The following SYT2 variants were observed in gnomAD, a reference collection of about 807,000 sequenced individuals.
SYT2 encodes the protein synaptotagmin-2.
SYT2 carries 15 observed loss-of-function variants against 39.9 expected under a neutral mutation model. The ratio of observed to expected loss-of-function variants is 0.38; its 90% CI spans 0.25 to 0.58. The LOEUF is 0.58. Among genes scored for constraint, SYT2 ranks in the 20% least tolerant of loss-of-function variants. The pLI, the probability that SYT2 is intolerant of heterozygous loss-of-function variation, is 0.70. For missense variants in SYT2, 389 were observed against 530.3 expected (o/e 0.73, Z 2.62); for synonymous variants, 181 against 204.5 (o/e 0.89, Z 0.98).
Position 202,604,434 on chromosome 1 carries a change from CT to C in SYT2, c.345+20del. The C allele has an allele frequency of 2.5e-6, 4 of 1,612,128 alleles. No homozygotes were observed. The highest frequency in any genetic ancestry group is 3.4e-6 in the Non-Finnish European group (4 of 1,178,370). ...CTGGGCTGAGCCCCTTCCAGTCCCC[CT>C]CACAACCAATGTGCCCTACCTGACC... On this transcript the variant is annotated intron_variant, in intron 3 of 8. Transcript: ENST00000367268.
At chr1:202,696,308 G>T (rs564226874) in intron 1 of SYT2, among the ~76,000 whole-genome samples, 1 of 152,132 alleles carries the variant, frequency 6.6e-6, no homozygotes, top group African/African-American at 2.4e-5. Context: ...CAGTGCCAGA[G>T]AGTGGATCTG....
chr1:202,673,518 A>G (rs1558457191), intron 1 of SYT2, among the ~76,000 whole-genome samples: 1 of 152,230 alleles, frequency 6.6e-6, no homozygotes, highest in Non-Finnish European at 1.5e-5. Flanking sequence ...AATGGATCCA[A>G]TGAGATGGAT....
intron 1 of SYT2, among the ~76,000 whole-genome samples, chr1:202,704,217 T>A (rs1186373620): frequency 6.6e-6 from 1 of 152,196 alleles, no homozygotes; most frequent in African/African-American, 2.4e-5. Context: ...GGGAGCCCTG[T>A]CACTCTGCAC....
intron 1 of SYT2, among the ~76,000 whole-genome samples, chr1:202,695,450 C>A (rs560928795): frequency 6.6e-6 from 1 of 152,308 alleles, no homozygotes; most frequent in South Asian, 2.1e-4. Flanking sequence ...CCCTTACCCT[C>A]CAAACCCAGC....
Position 202,602,289 on chromosome 1 carries a change from A to G in SYT2, c.633+89T>C, listed in dbSNP as rs139371830. 2,062 of 1,436,996 alleles carry G rather than the reference A, an allele frequency of 1.4e-3. 42 individuals carry two copies. In the East Asian group the frequency reaches 0.035, roughly 24 times the overall value. The allele number at this position is 1,436,996 out of a possible 1,614,324, so 89.0% of individuals were successfully genotyped here. ...GGCTGCCATTGTTCCAGGCTGAGCC[A>G]TGGCTAAGGACCAAGGAAAGGTCTG... On this transcript the variant is annotated intron_variant, in intron 5 of 8. Coordinates refer to ENST00000367268, the MANE Select transcript of SYT2 (RefSeq NM_177402.5).
At chr1:202,657,897 G>A (rs1281702194) in intron 1 of SYT2, among the ~76,000 whole-genome samples, 1 of 152,126 alleles carries the variant, frequency 6.6e-6, no homozygotes, top group African/African-American at 2.4e-5. Context: ...TGACTGCCTT[G>A]AACAGCTAAT....
intron 1 of SYT2, 26 bp from the exon 2 acceptor site, chr1:202,605,815 GGGTGAGCATCCAGA>G: frequency 1.3e-6 from 2 of 1,588,656 alleles, no homozygotes; most frequent in South Asian, 2.2e-5. Flanking sequence ...GAAGAGGGCA[GGGTGAGCATCCAGA>G]GGTCGTCTTA....
rs529916488 is a variant in SYT2, at chr1:202,629,544, C to G, written c.-17-23755G>C. 1.1e-4 allele frequency among the ~76,000 whole-genome samples: 16 copies of G among 152,268 alleles called. No individual in the cohort carries two copies. The South Asian group carries it at 1.7e-3, about 16-fold the overall frequency. Reference sequence around the variant, plus strand: ...TTCTTCCTCTAGCTGCCACTCCCATCCTATAGATGACAACACTGGGATGTG... The same window carrying G: ...TTCTTCCTCTAGCTGCCACTCCCATGCTATAGATGACAACACTGGGATGTG... On this transcript the variant is annotated intron_variant, in intron 1 of 8. Coordinates refer to ENST00000367268, the MANE Select transcript of SYT2 (RefSeq NM_177402.5).
intron 1 of SYT2, among the ~76,000 whole-genome samples, chr1:202,689,259 AATG>A (rs1241839864): frequency 2.0e-5 from 3 of 152,138 alleles, no homozygotes; most frequent in Non-Finnish European, 4.4e-5. Context: ...TCACATGTGC[AATG>A]ATAAGCCTCA....
chr1:202,704,313 C>A (rs1460433129), intron 1 of SYT2, among the ~76,000 whole-genome samples: 1 of 152,172 alleles, frequency 6.6e-6, no homozygotes, highest in African/African-American at 2.4e-5. Flanking sequence ...CATGCCCTGG[C>A]CTTGGGGAGC....
chr1:202,615,618 T>C (rs1217762768), intron 1 of SYT2, among the ~76,000 whole-genome samples: 1 of 152,164 alleles, frequency 6.6e-6, no homozygotes, highest in East Asian at 1.9e-4. Flanking sequence ...TTGTCACATT[T>C]AGAATAAGAT....
chr1:202,691,734 A>AGAGG (rs1653837351), intron 1 of SYT2, among the ~76,000 whole-genome samples: 1 of 27,720 alleles, frequency 3.6e-5, no homozygotes, highest in African/African-American at 1.6e-4. Flanking sequence ...AGAGGGGGGG[A>AGAGG]GAGAGAGAGA....
intron 1 of SYT2, among the ~76,000 whole-genome samples, chr1:202,675,137 T>C (rs1653331207): frequency 6.6e-6 from 1 of 152,136 alleles, no homozygotes; most frequent in Non-Finnish European, 1.5e-5. Flanking sequence ...TGTGTGACCA[T>C]ATGATGTCTG....
rs151190371 is a variant in SYT2, at chr1:202,662,343, C to G, written c.-18+47915G>C. 6.3e-4 allele frequency among the ~76,000 whole-genome samples: 96 copies of G among 152,358 alleles called. 1 individual carries two copies. The highest frequency in any genetic ancestry group is 1.3e-3 in the Admixed American group (20 of 15,308). On this transcript the variant is annotated intron_variant, in intron 1 of 8. Coordinates refer to ENST00000367268, the MANE Select transcript of SYT2 (RefSeq NM_177402.5). ...AGACGCAGAGATTACACTAATTGAT[C>G]CCCCTGCCTGGGGCAGAGCCCCATA...
At chr1:202,655,766 G>T (rs1055570285) in intron 1 of SYT2, among the ~76,000 whole-genome samples, 11 of 152,202 alleles carry the variant, frequency 7.2e-5, no homozygotes, top group African/African-American at 2.7e-4. Flanking sequence ...GACAACAGGA[G>T]TGCCAGTCAC....
At chr1:202,694,238 G>T (rs796204855) in intron 1 of SYT2, among the ~76,000 whole-genome samples, 10 of 152,288 alleles carry the variant, frequency 6.6e-5, no homozygotes, top group African/African-American at 2.4e-4. Context: ...ATGTGTAATG[G>T]TATCAGATTT....
rs575017825 is a variant in SYT2, at chr1:202,653,961, G to A, written c.-17-48172C>T. ...GGAAAACTTATGTCTTGATCAGAAGGGTCAATGAGAGATGCAAAGTCTGAA... is the reference window on the plus strand; with the variant it reads ...GGAAAACTTATGTCTTGATCAGAAGAGTCAATGAGAGATGCAAAGTCTGAA... On this transcript the variant is annotated intron_variant, in intron 1 of 8. Coordinates refer to ENST00000367268, the MANE Select transcript of SYT2 (RefSeq NM_177402.5). Among the ~76,000 whole-genome samples the A allele has an allele frequency of 6.8e-4, 103 of 152,220 alleles. 1 individual carries two copies. Among genetic ancestry groups the A allele is most frequent in the South Asian group, 1.7e-3 (8 of 4,818 alleles).
rs1691480253 is a variant in SYT2 at position 202,628,477 on chromosome 1, CAG to C, written c.-17-22690_-17-22689del. Among the ~76,000 whole-genome samples the C allele has an allele frequency of 6.6e-6, 1 of 152,196 alleles. No homozygotes were observed. Among genetic ancestry groups the C allele is most frequent in the Non-Finnish European group, 1.5e-5 (1 of 68,042 alleles). On this transcript the variant is annotated intron_variant, in intron 1 of 8. Coordinates refer to ENST00000367268, the MANE Select transcript of SYT2 (RefSeq NM_177402.5). The surrounding 1 kb of genome is among the most constrained non-coding windows in gnomAD (Gnocchi z 4.2). ...CCAGGTGCTGGCCAGGCCCCAGGGA[CAG>C]AGACGTGCCCATCACTCTTCAGACA...
chr1:202,647,630 T>C lies in SYT2; in HGVS notation c.-17-41841A>G, dbSNP rs373431012. On this transcript the variant is annotated intron_variant, in intron 1 of 8. Coordinates refer to ENST00000367268, the MANE Select transcript of SYT2 (RefSeq NM_177402.5). ...GAGGGGAAGGGAGAGAAGAGGATGC[T>C]TGAGAAGCTGATGTAGTTCTTCACC... Among the ~76,000 whole-genome samples the C allele has an allele frequency of 9.2e-5, 14 of 152,360 alleles. No individual in the cohort carries two copies. In the East Asian group the frequency reaches 2.5e-3, roughly 27 times the overall value.
Sources: allele counts gnomAD v4.1 joint callset (sites outside exome capture counted in the v4.1 genomes callset), GRCh38; gene constraint gnomAD v4.1.1; non-coding constraint Gnocchi (gnomAD v3.1); transcripts MANE v1.5; gene names NCBI Gene and HGNC (gene_info 2026-07-23, HGNC 2026-07-21).